Variants in UPP2 observed in about 807,000 individuals in gnomAD.
The protein encoded by UPP2 is uridine phosphorylase 2.
Under a neutral mutation model 26.7 loss-of-function variants are expected in UPP2, and 23 were observed. The observed-to-expected ratio is 0.86, with a 90% CI of 0.62 to 1.22. The LOEUF (loss-of-function observed/expected upper bound fraction) is 1.22. Among genes scored for constraint, UPP2 ranks in the 50% most tolerant of loss-of-function variants. UPP2 has a pLI of 0.00. For synonymous variants in UPP2, 127 were observed against 141.3 expected, an observed-to-expected ratio of 0.90 and a Z score of 0.72; for missense variants, 387 against 396.7, an observed-to-expected ratio of 0.98 and a Z score of 0.21.
At chr2:158,007,668 C>T (rs1420709324) in intron 2 of UPP2, among the ~76,000 whole-genome samples, 1 of 150,194 alleles carries the variant, frequency 6.7e-6, no homozygotes, top group Non-Finnish European at 1.5e-5. Context: ...TGCTCTGTCG[C>T]TCAGACTGGA....
At chr2:158,007,593 G>A (rs184867048) in intron 2 of UPP2, among the ~76,000 whole-genome samples, 5 of 151,904 alleles carry the variant, frequency 3.3e-5, no homozygotes, top group African/African-American at 1.2e-4. Flanking sequence ...CATTTGCTAA[G>A]AGGAGCGTGG....
At chr2:158,122,206 G>A (rs1019766213) in intron 5 of UPP2, among the ~76,000 whole-genome samples, 9 of 150,156 alleles carry the variant, frequency 6.0e-5, no homozygotes, top group Admixed American at 2.0e-4. Flanking sequence ...ACAGACCCCC[G>A]ATTCTTTCTC....
At chr2:158,057,004 G>C (rs1256848415) in intron 3 of UPP2, among the ~76,000 whole-genome samples, 1 of 152,134 alleles carries the variant, frequency 6.6e-6, no homozygotes, top group Admixed American at 6.5e-5. Context: ...CTGGATAGGT[G>C]TTTTGTAAGA....
intron 2 of UPP2, among the ~76,000 whole-genome samples, chr2:158,113,327 C>A (rs188714669): frequency 3.5e-4 from 53 of 152,254 alleles, no homozygotes; most frequent in African/African-American, 9.1e-4. Context: ...AAAAAATTTC[C>A]TTGGACTTAG....
upstream of UPP2, chr2:158,101,782 C>A: frequency 1.8e-6 from 2 of 1,124,592 alleles, no homozygotes; most frequent in South Asian, 3.3e-5. Context: ...TAGGATGCCA[C>A]ACCTTCAAAG....
chr2:158,106,072 T>A (rs1008564140), intron 1 of UPP2, 27 bp from the exon 2 acceptor site: 1 of 1,508,502 alleles, frequency 6.6e-7, no homozygotes, highest in African/African-American at 1.4e-5. Context: ...TTCTTTTATA[T>A]CTTCTTTGTA....
intron 3 of UPP2, among the ~76,000 whole-genome samples, chr2:158,056,774 A>C (rs997920726): frequency 4.6e-5 from 7 of 152,178 alleles, no homozygotes; most frequent in African/African-American, 1.7e-4. Context: ...CAACTTAACT[A>C]GTTACACTGC....
chr2:158,102,326 T>C (rs1230061007), intron 1 of UPP2, among the ~76,000 whole-genome samples: 1 of 152,078 alleles, frequency 6.6e-6, no homozygotes. Context: ...GTTTTGGGGG[T>C]TAGGGTTTGG....
chr2:158,073,320 T>G (rs1434651766), intron 3 of UPP2, among the ~76,000 whole-genome samples: 4 of 151,596 alleles, frequency 2.6e-5, no homozygotes, highest in African/African-American at 4.8e-5. Flanking sequence ...TAAACAAAAA[T>G]GAAGCATCCC....
intron 3 of UPP2, among the ~76,000 whole-genome samples, chr2:158,054,337 A>G (rs1682211811): frequency 1.3e-5 from 2 of 151,930 alleles, no homozygotes; most frequent in Non-Finnish European, 1.5e-5. Flanking sequence ...ATAATTGATA[A>G]ATGCCTGGTT....
In UPP2 at chr2:158,123,710, G is replaced by A. The variant is rs745519327; in HGVS notation, c.665-39G>A. On this transcript the variant is annotated intron_variant, in intron 5 of 6. Coordinates refer to ENST00000005756, the MANE Select transcript of UPP2 (RefSeq NM_173355.4). ...CCTATGAGGCCACTGTCAGTGGGGT[G>A]GGACATCAAGTCACTAAACGTTCTC... The A allele has an allele frequency of 6.9e-6, 11 of 1,599,420 alleles. No individual in the cohort carries two copies. In the African/African-American group the frequency reaches 1.5e-4, roughly 21 times the overall value.
At chr2:158,102,385 T>C (rs16842609) in intron 1 of UPP2, among the ~76,000 whole-genome samples, 15,726 of 152,128 alleles carry the variant, frequency 0.1, 1,614 homozygotes, top group African/African-American at 0.26. Flanking sequence ...CATGCAAAAG[T>C]TTAGCCAACC....
At chr2:158,100,392 A>G (rs2105209248), upstream of UPP2, among the ~76,000 whole-genome samples, 1 of 152,346 alleles carries the variant, frequency 6.6e-6, no homozygotes, top group South Asian at 2.1e-4. Context: ...ATTACTGAAC[A>G]CTTATCTAAT....
rs534607657 is a variant in UPP2, at chr2:158,116,157, T to A, written c.339+898T>A. ...ATGCAACACCAATAAGGCAGCTAAA[T>A]TGCTCTCCTCTCTGGGCCAAGAGCG... On this transcript the variant is annotated intron_variant, in intron 3 of 6. Transcript: ENST00000005756. Among the ~76,000 whole-genome samples the A allele has an allele frequency of 3.3e-5, 5 of 152,300 alleles. No homozygotes were observed. In the East Asian group the frequency reaches 9.7e-4, roughly 29 times the overall value.
chr2:158,105,316 T>C (rs1381823043), intron 1 of UPP2, among the ~76,000 whole-genome samples: 1 of 152,068 alleles, frequency 6.6e-6, no homozygotes, highest in Non-Finnish European at 1.5e-5. Context: ...GGAGGAAGGA[T>C]TGGTGTTCTA....
At chr2:158,071,264 A>C (rs191574780) in intron 3 of UPP2, among the ~76,000 whole-genome samples, 112 of 152,190 alleles carry the variant, frequency 7.4e-4, no homozygotes, top group Middle Eastern at 3.4e-3. Flanking sequence ...GCAGCAACAA[A>C]AGTGACTCCT....
At chr2:158,133,297 T>C (rs1683862687) in intron 6 of UPP2, among the ~76,000 whole-genome samples, 1 of 152,186 alleles carries the variant, frequency 6.6e-6, no homozygotes, top group Non-Finnish European at 1.5e-5. Flanking sequence ...TGATTTTACT[T>C]ATATGTGGAA....
chr2:158,095,865 T>C (rs995101677), intron 3 of UPP2, among the ~76,000 whole-genome samples: 1 of 152,166 alleles, frequency 6.6e-6, no homozygotes, highest in Non-Finnish European at 1.5e-5. Flanking sequence ...AGACAAAAGC[T>C]TTTACATTTT....
intron 3 of UPP2, among the ~76,000 whole-genome samples, chr2:158,117,257 C>G (rs1469707635): frequency 1.3e-5 from 2 of 151,924 alleles, no homozygotes; most frequent in Non-Finnish European, 2.9e-5. Flanking sequence ...CTATGGTCAT[C>G]ATCTATAGTA....
Sources: allele counts gnomAD v4.1 joint callset (sites outside exome capture counted in the v4.1 genomes callset), GRCh38; gene constraint gnomAD v4.1.1; transcripts MANE v1.5; gene names NCBI Gene and HGNC (gene_info 2026-07-23, HGNC 2026-07-21).